Variants in LRRC4C observed in about 807,000 individuals in gnomAD.
LRRC4C encodes leucine rich repeat containing 4C, also known as leucine-rich repeat-containing protein 4C.
In LRRC4C, 5 loss-of-function variants were observed where a neutral mutation model predicts 33.6. The ratio of observed to expected loss-of-function variants is 0.15; its 90% CI spans 0.08 to 0.31. The LOEUF is 0.31. Ranked by LOEUF, LRRC4C falls within the 10% of genes least tolerant of loss-of-function variation. The probability of loss-of-function intolerance (pLI) is 1.00; values close to 1 mark genes in which losing one functional copy is unlikely to be tolerated. For missense variants in LRRC4C, 560 were observed against 796.7 expected (o/e 0.70, Z 3.58); for synonymous variants, 329 against 302.0 (o/e 1.09, Z -0.93).
chr11:41,047,190 T>A (rs1453147499), intron 1 of LRRC4C, among the ~76,000 whole-genome samples: 1 of 151,964 alleles, frequency 6.6e-6, no homozygotes, highest in Non-Finnish European at 1.5e-5. Context: ...ACATATAACA[T>A]AATTAAAAAT....
intron 3 of LRRC4C, among the ~76,000 whole-genome samples, chr11:40,529,424 T>C (rs1287227530): frequency 3.3e-5 from 5 of 152,054 alleles, no homozygotes; most frequent in Non-Finnish European, 1.5e-5. Context: ...TAGAGTATGA[T>C]GAGCAAGTAA....
rs1392975451 is a variant in LRRC4C at position 41,072,280 on chromosome 11, A to ATCATTGTTCTCTTATT, written c.-495-138558_-495-138557insAATAAGAGAACAATGA. Among the ~76,000 whole-genome samples, 26 of 142,746 alleles carry ATCATTGTTCTCTTATT rather than the reference A, an allele frequency of 1.8e-4. 5 individuals carry two copies. Among genetic ancestry groups the ATCATTGTTCTCTTATT allele is most frequent in the African/African-American group, 5.2e-4 (20 of 38,496 alleles). 93.6% of individuals were successfully genotyped at this position (142,746 alleles called of 152,430 possible). A position where few individuals can be genotyped will look rare whatever the true frequency, so the allele number is the denominator to read the frequency against. On this transcript the variant is annotated intron_variant, in intron 1 of 6. Coordinates refer to ENST00000528697, the MANE Select transcript of LRRC4C (RefSeq NM_001258419.2). ...GAAAAAATTAATCAATGTGGCAAAC[A>ATCATTGTTCTCTTATT]TTGAAGACCCTCCACTGGCAAAAAG...
At chr11:41,102,192 G>T (rs1941231209) in intron 1 of LRRC4C, among the ~76,000 whole-genome samples, 2 of 151,784 alleles carry the variant, frequency 1.3e-5, no homozygotes, top group African/African-American at 4.9e-5. Context: ...ATGGAATGAA[G>T]AAGAAACTTA....
chr11:41,060,284 A>C (rs555768876), intron 1 of LRRC4C, among the ~76,000 whole-genome samples: 1 of 152,314 alleles, frequency 6.6e-6, no homozygotes, highest in East Asian at 1.9e-4. Context: ...ACAAACTCTA[A>C]ATGCCTACTC....
intron 1 of LRRC4C, among the ~76,000 whole-genome samples, chr11:40,951,462 T>G (rs1958687750): frequency 6.6e-6 from 1 of 151,892 alleles, no homozygotes; most frequent in African/African-American, 2.4e-5. Flanking sequence ...AGTGAGGACT[T>G]AAACATCAAG....
chr11:40,501,070 G>C (rs1372519014), intron 3 of LRRC4C, among the ~76,000 whole-genome samples: 1 of 152,166 alleles, frequency 6.6e-6, no homozygotes, highest in Non-Finnish European at 1.5e-5. Context: ...CACTGGGGCA[G>C]TCAAATCTTA....
chr11:40,628,286 G>A (rs898861824), intron 3 of LRRC4C, among the ~76,000 whole-genome samples: 2 of 152,032 alleles, frequency 1.3e-5, no homozygotes, highest in African/African-American at 2.4e-5. Context: ...GACCATCCTG[G>A]CTAACACGGT....
chr11:41,128,266 C>CAAAAA (rs10648242), intron 1 of LRRC4C, among the ~76,000 whole-genome samples: 1 of 146,080 alleles, frequency 6.8e-6, no homozygotes. Flanking sequence ...GTCATACCTC[C>CAAAAA]AAAAAAAAAA....
chr11:40,188,675 G>T lies in LRRC4C; in HGVS notation c.-95-47822C>A, dbSNP rs562532726. On this transcript the variant is annotated intron_variant, in intron 5 of 6. Transcript: ENST00000528697. ...CTTTCTCATGCTCTATAAACCAGGG[G>T]GCTACTAACTCCGAATAGGGGGAAA... Among the ~76,000 whole-genome samples, 10 of 152,074 alleles carry T rather than the reference G, an allele frequency of 6.6e-5. No individual in the cohort carries two copies. The South Asian group carries it at 2.1e-3, about 32-fold the overall frequency.
chr11:40,518,048 G>T (rs917876963), intron 3 of LRRC4C, among the ~76,000 whole-genome samples: 16 of 152,152 alleles, frequency 1.1e-4, no homozygotes, highest in Non-Finnish European at 2.2e-4. Context: ...GGGAAAACTG[G>T]CTAGCCATAA....
At chr11:40,272,504 G>C (rs1942781413) in intron 4 of LRRC4C, among the ~76,000 whole-genome samples, 1 of 152,036 alleles carries the variant, frequency 6.6e-6, no homozygotes, top group Non-Finnish European at 1.5e-5. Flanking sequence ...CCATTGGAGA[G>C]ATTCTTGAAA....
intron 1 of LRRC4C, among the ~76,000 whole-genome samples, chr11:41,263,010 T>C (rs1200875744): frequency 3.9e-5 from 6 of 152,150 alleles, no homozygotes; most frequent in African/African-American, 1.4e-4. Flanking sequence ...CCTAATAAGC[T>C]ACCTAGTTAA....
chr11:40,652,144 G>A (rs2136154747), intron 2 of LRRC4C, among the ~76,000 whole-genome samples: 1 of 152,320 alleles, frequency 6.6e-6, no homozygotes, highest in East Asian at 1.9e-4. Context: ...TACTATGCTA[G>A]ATGCCACGGC....
At chr11:41,448,114 A>ACAC (rs1477966983) in intron 1 of LRRC4C, among the ~76,000 whole-genome samples, 2 of 42,648 alleles carry the variant, frequency 4.7e-5, no homozygotes, top group African/African-American at 1.3e-4. Flanking sequence ...AGGCTGCTGC[A>ACAC]CACGTCTGTT....
At chr11:40,129,112 C>T (rs1856469352) in intron 6 of LRRC4C, among the ~76,000 whole-genome samples, 1 of 152,048 alleles carries the variant, frequency 6.6e-6, no homozygotes, top group Admixed American at 6.6e-5. Context: ...TGAATGAGTG[C>T]CCCACGCAGA....
intron 1 of LRRC4C, among the ~76,000 whole-genome samples, chr11:41,367,854 C>T (rs980127434): frequency 6.6e-6 from 1 of 151,972 alleles, no homozygotes; most frequent in Non-Finnish European, 1.5e-5. Flanking sequence ...TCACATTTGC[C>T]TTAATGATTC....
intron 2 of LRRC4C, among the ~76,000 whole-genome samples, chr11:40,795,405 C>T (rs1950783940): frequency 6.6e-6 from 1 of 152,116 alleles, no homozygotes; most frequent in Non-Finnish European, 1.5e-5. Context: ...TGGCGGGTGC[C>T]TGTAGTCCCA....
At chr11:40,300,204 C>A (rs2136658723) in intron 4 of LRRC4C, among the ~76,000 whole-genome samples, 1 of 152,272 alleles carries the variant, frequency 6.6e-6, no homozygotes, top group South Asian at 2.1e-4. Context: ...CTAAACCATT[C>A]ATGAGAAATC....
At chr11:40,226,783 A>G (rs1864831413) in intron 5 of LRRC4C, among the ~76,000 whole-genome samples, 1 of 152,176 alleles carries the variant, frequency 6.6e-6, no homozygotes, top group African/African-American at 2.4e-5. Context: ...ATCTTCTAGG[A>G]TTAAAATGTA....
Sources: gnomAD v4.1 joint callset for allele counts (sites outside exome capture counted in the v4.1 genomes callset) on GRCh38, gnomAD v4.1.1 for gene constraint, MANE v1.5 for transcripts, NCBI Gene and HGNC (gene_info 2026-07-23, HGNC 2026-07-21) for gene names.